The following PTPRN2 variants were observed in gnomAD, a reference collection of about 807,000 sequenced individuals.
PTPRN2 encodes the protein protein tyrosine phosphatase receptor type N2, also known as receptor-type tyrosine-protein phosphatase N2.
PTPRN2 carries 74 observed loss-of-function variants against 118.8 expected under a neutral mutation model. The observed-to-expected ratio is 0.62, with a 90% CI of 0.52 to 0.76. The LOEUF is 0.76. Among genes scored for constraint, PTPRN2 ranks in the 30% least tolerant of loss-of-function variants. The pLI is 0.00. For synonymous variants in PTPRN2, 641 were observed against 608.0 expected, an observed-to-expected ratio of 1.05 and a Z score of -0.80; for missense variants, 1,481 against 1,394.4, an observed-to-expected ratio of 1.06 and a Z score of -0.99.
intron 3 of PTPRN2, among the ~76,000 whole-genome samples, chr7:158,284,958 C>T (rs10949710): frequency 0.26 from 39,549 of 152,162 alleles, 5,524 homozygotes; most frequent in East Asian, 0.41. Flanking sequence ...CCCCACGAGC[C>T]CGGCTGTGCC....
intron 15 of PTPRN2, among the ~76,000 whole-genome samples, chr7:157,606,952 A>G (rs561382415): frequency 1.3e-5 from 2 of 152,300 alleles, no homozygotes; most frequent in African/African-American, 4.8e-5. Flanking sequence ...ACAAGATGGG[A>G]TAAGATAAAA....
intron 11 of PTPRN2, among the ~76,000 whole-genome samples, chr7:158,064,940 G>A (rs1810642078): frequency 6.6e-6 from 1 of 152,160 alleles, no homozygotes; most frequent in Admixed American, 6.5e-5. Context: ...CTTCCAAAGG[G>A]GCTGCAGGCA....
intron 9 of PTPRN2, among the ~76,000 whole-genome samples, chr7:158,133,297 T>C (rs1818525769): frequency 6.6e-6 from 1 of 152,172 alleles, no homozygotes; most frequent in Admixed American, 6.5e-5. Flanking sequence ...CAGGCTTTGC[T>C]GTACACTTAC....
rs113121957 is a variant in PTPRN2, at chr7:158,168,042, C to T, written c.550-751G>A. Among the ~76,000 whole-genome samples the T allele has an allele frequency of 1.3e-3, 195 of 152,332 alleles. 1 individual carries two copies. The highest frequency in any genetic ancestry group is 4.4e-3 in the African/African-American group (183 of 41,584). On this transcript the variant is annotated intron_variant, in intron 5 of 22. Transcript: ENST00000389418. ...TCGAGGATATTACATGGTAACTCGA[C>T]ATTTAACTGACTGAGGAACTCCCAA...
chr7:157,827,025 A>G (rs951472883), intron 12 of PTPRN2, among the ~76,000 whole-genome samples: 1 of 152,162 alleles, frequency 6.6e-6, no homozygotes, highest in African/African-American at 2.4e-5. Context: ...ACATTGCACT[A>G]GAGATGATGC....
At chr7:158,105,492 T>C (rs746044006) in intron 10 of PTPRN2, among the ~76,000 whole-genome samples, 3 of 150,866 alleles carry the variant, frequency 2.0e-5, no homozygotes, top group Non-Finnish European at 4.4e-5. Context: ...CCATCCCATC[T>C]CCACTCAGCT....
chr7:157,677,108 G>T (rs187672903), intron 13 of PTPRN2, among the ~76,000 whole-genome samples: 9 of 152,058 alleles, frequency 5.9e-5, no homozygotes, highest in Non-Finnish European at 1.3e-4. Flanking sequence ...CCTTTCCTGC[G>T]CCCCTCCTTG....
At chr7:157,969,351 C>T (rs1182635441) in intron 11 of PTPRN2, among the ~76,000 whole-genome samples, 2 of 152,160 alleles carry the variant, frequency 1.3e-5, no homozygotes, top group East Asian at 3.9e-4. Context: ...CTCAAGTGAT[C>T]CACCCACCTC....
intron 2 of PTPRN2, among the ~76,000 whole-genome samples, chr7:158,343,440 A>C (rs1431394699): frequency 6.6e-6 from 1 of 152,202 alleles, no homozygotes; most frequent in Non-Finnish European, 1.5e-5. Context: ...TGGAGAAAAT[A>C]GGGCCCTGTG....
At chr7:157,995,711 G>T (rs898672689) in intron 11 of PTPRN2, among the ~76,000 whole-genome samples, 24 of 152,246 alleles carry the variant, frequency 1.6e-4, no homozygotes, top group African/African-American at 5.8e-4. Context: ...AGCAGGCGGC[G>T]TAGCACCTCC....
intron 2 of PTPRN2, among the ~76,000 whole-genome samples, chr7:158,467,375 G>A (rs141422752): frequency 5.5e-4 from 84 of 152,204 alleles, no homozygotes; most frequent in African/African-American, 1.8e-3. Flanking sequence ...TAGATCTATG[G>A]TTTTTCAACA....
At chr7:158,536,706 C>T (rs1164166724) in intron 1 of PTPRN2, among the ~76,000 whole-genome samples, 1 of 151,908 alleles carries the variant, frequency 6.6e-6, no homozygotes, top group East Asian at 1.9e-4. Flanking sequence ...TCCCAGCCCA[C>T]CATTGACGAG....
chr7:157,910,276 C>T (rs946650614), intron 11 of PTPRN2, among the ~76,000 whole-genome samples: 1 of 142,514 alleles, frequency 7.0e-6, no homozygotes, highest in Non-Finnish European at 1.5e-5. Flanking sequence ...TGCAGGACCA[C>T]GCACGTACGC....
chr7:157,700,276 T>G (rs899968336), intron 12 of PTPRN2, among the ~76,000 whole-genome samples: 5 of 152,220 alleles, frequency 3.3e-5, no homozygotes, highest in South Asian at 2.1e-4. Flanking sequence ...AGAGTGCATT[T>G]GAAAAGGCCA....
At chr7:158,500,634 A>G (rs1822292631) in intron 1 of PTPRN2, among the ~76,000 whole-genome samples, 1 of 152,198 alleles carries the variant, frequency 6.6e-6, no homozygotes, top group African/African-American at 2.4e-5. Context: ...GCTTCCCAGG[A>G]AGGATCCTGC....
At chr7:157,630,824 G>A (rs1453862718) in intron 14 of PTPRN2, among the ~76,000 whole-genome samples, 2 of 152,110 alleles carry the variant, frequency 1.3e-5, no homozygotes, top group African/African-American at 2.4e-5. Flanking sequence ...GGGTCTTCTC[G>A]CTTTTGATCA....
At chr7:158,216,996 T>C (rs746954796) in intron 3 of PTPRN2, among the ~76,000 whole-genome samples, 2 of 152,194 alleles carry the variant, frequency 1.3e-5, no homozygotes, top group Non-Finnish European at 2.9e-5. Context: ...AAAGAGAAGA[T>C]AATACATTAC....
At chr7:158,204,200 T>G (rs1468340614) in intron 4 of PTPRN2, among the ~76,000 whole-genome samples, 1 of 135,972 alleles carries the variant, frequency 7.4e-6, no homozygotes, top group Non-Finnish European at 1.6e-5. Flanking sequence ...GCGTGCGCCG[T>G]GTGGTGAAGA....
At chr7:158,245,638 G>C (rs962946781) in intron 3 of PTPRN2, among the ~76,000 whole-genome samples, 3 of 152,096 alleles carry the variant, frequency 2.0e-5, no homozygotes, top group Non-Finnish European at 4.4e-5. Flanking sequence ...TGTTTGGGTT[G>C]ATACAAAGGC....
Sources: gnomAD v4.1 joint callset for allele counts (sites outside exome capture counted in the v4.1 genomes callset) on GRCh38, gnomAD v4.1.1 for gene constraint, MANE v1.5 for transcripts, NCBI Gene and HGNC (gene_info 2026-07-23, HGNC 2026-07-21) for gene names.